The following RIOK1 variants were observed in gnomAD, a reference collection of about 807,000 sequenced individuals.
RIOK1 encodes RIO kinase 1.
A neutral mutation model predicts 73.5 loss-of-function variants in RIOK1; 66 were observed. The observed-to-expected ratio is 0.90, with a 90% CI of 0.74 to 1.10. The LOEUF (loss-of-function observed/expected upper bound fraction) is 1.10, where lower values mean the gene tolerates loss of function less well. Ranked by LOEUF, RIOK1 falls within the 50% of genes least tolerant of loss-of-function variation. The pLI is 0.00. For missense variants in RIOK1, 658 were observed against 699.8 expected, an observed-to-expected ratio of 0.94 and a Z score of 0.67; for synonymous variants, 224 against 226.8, an observed-to-expected ratio of 0.99 and a Z score of 0.11.
intron 6 of RIOK1, among the ~76,000 whole-genome samples, chr6:7,402,077 A>G (rs1362657628): frequency 6.6e-6 from 1 of 152,202 alleles, no homozygotes; most frequent in Non-Finnish European, 1.5e-5. Context: ...ATTGGATTTT[A>G]CTGTACAGTC....
At chr6:7,414,050 G>T (rs2113531256) in intron 15 of RIOK1, among the ~76,000 whole-genome samples, 188 bp from the exon 16 acceptor site, 1 of 152,232 alleles carries the variant, frequency 6.6e-6, no homozygotes, top group Non-Finnish European at 1.5e-5. Context: ...AGCCTTACTT[G>T]GAGTGGCTAC....
intron 5 of RIOK1, 144 bp downstream of exon 5, chr6:7,398,884 G>T: frequency 1.6e-6 from 1 of 635,178 alleles, no homozygotes; most frequent in Non-Finnish European, 2.6e-6. Flanking sequence ...TTATAGTTTC[G>T]AGTTTAGAGA....
Position 7,414,386 on chromosome 6 carries a change from A to G in RIOK1, c.1592A>G (p.Lys531Arg), listed in dbSNP as rs766847444. 5.6e-6 allele frequency: 9 copies of G among 1,599,376 alleles called. No homozygotes were observed. In the South Asian group the frequency reaches 9.1e-5, roughly 16 times the overall value. The change falls in exon 16 of 17, where the codon AAA (lysine) becomes AGA (arginine). Residue 531 changes from lysine (K) to arginine (R), a missense_variant. Lys to Arg is a conservative substitution (Grantham distance 26). Transcript: ENST00000379834. ...KKHTTDPDID[K>R]KERKKMVKEA... ...CACACCACGGACCCTGACATTGATAAAAAAGTAAGCAATGAAATACCTTCC... is the reference window on the plus strand; with the variant it reads ...CACACCACGGACCCTGACATTGATAGAAAAGTAAGCAATGAAATACCTTCC...
Position 7,410,373 on chromosome 6 carries a change from T to C in RIOK1, c.1204-13T>C. ...TGAATATAAAAGAAAGTCATTTTTG[T>C]TTTCTTTCCAAGGCCATGGAAATAG... On this transcript the variant is annotated splice_polypyrimidine_tract_variant and intron_variant, in intron 12 of 16. Transcript: ENST00000379834. 1 of 1,599,636 alleles carries C rather than the reference T, an allele frequency of 6.3e-7. No individual in the cohort carries two copies. The highest frequency in any genetic ancestry group is 8.6e-7 in the Non-Finnish European group (1 of 1,167,674).
chr6:7,414,463 A>G, intron 16 of RIOK1, 73 bp downstream of exon 16: 1 of 1,338,090 alleles, frequency 7.5e-7, no homozygotes, highest in Non-Finnish European at 1.0e-6. Context: ...TTGCTCAAGG[A>G]TCTAGCTAGA....
intron 1 of RIOK1, 58 bp downstream of exon 1, chr6:7,390,131 T>TG: frequency 6.9e-7 from 1 of 1,441,844 alleles, no homozygotes. Context: ...ACCGCCCCCT[T>TG]GGGGTGTGGA....
chr6:7,410,869 A>G (rs920418126), intron 13 of RIOK1, among the ~76,000 whole-genome samples: 4 of 152,200 alleles, frequency 2.6e-5, no homozygotes, highest in Non-Finnish European at 5.9e-5. Flanking sequence ...AGGCTTTTAA[A>G]AAAAATTCTC....
chr6:7,393,419 G>A (rs1581709948), intron 2 of RIOK1, 116 bp downstream of exon 2: 2 of 819,800 alleles, frequency 2.4e-6, no homozygotes, highest in East Asian at 4.9e-5. Context: ...ATGTTATATT[G>A]TCCTGTAGCC....
At chr6:7,407,959 T>G (rs552874321) in intron 12 of RIOK1, among the ~76,000 whole-genome samples, 2 of 152,358 alleles carry the variant, frequency 1.3e-5, no homozygotes, top group East Asian at 3.9e-4. Flanking sequence ...TTTGATGTGA[T>G]CCAGTTTATC....
rs368813373 is a variant in RIOK1 at position 7,404,970 on chromosome 6, G to A, written c.1045G>A (p.Asp349Asn). 2.5e-5 allele frequency: 41 copies of A among 1,614,024 alleles called. 1 individual carries two copies. The highest frequency in any genetic ancestry group is 1.1e-4 in the African/African-American group (8 of 74,946). The stretch of plus-strand genomic sequence containing the variant: ...TGACGTGTCTCAGTCCGTGGAGCAC[G>A]ACCACCCACATGCCTTGGAGTTCTT... ...IIDVSQSVEH[D>N]HPHALEFLRK... Residue 349 changes from aspartate to asparagine, a missense_variant, in exon 11 of 17, where the codon GAC becomes AAC. Physicochemically the swap from Asp to Asn is conservative, Grantham distance 23 (BLOSUM62 1). Transcript: ENST00000379834.
In RIOK1 at chr6:7,402,808, T is replaced by G. The variant is rs537747815; in HGVS notation, c.687-9T>G. ...ATGATTGAAATAATAAACATTTTTC[T>G]TATTCAAGATTTCGTCATGGCTATT... On this transcript the variant is annotated splice_polypyrimidine_tract_variant and intron_variant, in intron 7 of 16. Transcript: ENST00000379834. 86 of 1,608,916 alleles carry G rather than the reference T, an allele frequency of 5.3e-5. No homozygotes were observed. In the East Asian group the frequency reaches 1.8e-3, roughly 34 times the overall value.
chr6:7,404,339 A>C, intron 9 of RIOK1, 79 bp from the exon 10 acceptor site: 1 of 1,500,922 alleles, frequency 6.7e-7, no homozygotes, highest in Non-Finnish European at 9.1e-7. Context: ...GAGTTGTAGA[A>C]GAGAAGGGCA....
intron 4 of RIOK1, 148 bp downstream of exon 4, chr6:7,396,920 T>TGTGTGTGTG (rs57452499): frequency 1.1e-4 from 56 of 525,048 alleles, no homozygotes; most frequent in South Asian, 2.8e-4. Flanking sequence ...TGTGTGTGTG[T>TGTGTGTGTG]TTTCCTTAGC....
At chr6:7,413,979 C>T (rs2113531122) in intron 15 of RIOK1, among the ~76,000 whole-genome samples, 1 of 152,302 alleles carries the variant, frequency 6.6e-6, no homozygotes, top group South Asian at 2.1e-4. Context: ...AGGAGAACAG[C>T]TCTGTTGTTG....
chr6:7,408,151 C>T (rs892947956), intron 12 of RIOK1, among the ~76,000 whole-genome samples: 1 of 152,200 alleles, frequency 6.6e-6, no homozygotes, highest in Admixed American at 6.5e-5. Flanking sequence ...ATTCTCCCAC[C>T]TCAGCCTCCT....
In RIOK1 at chr6:7,414,247, C is replaced by T; in HGVS notation, c.1453C>T (p.Leu485Phe). 6.2e-7 allele frequency: 1 copy of T among 1,612,272 alleles called. No homozygotes were observed. The highest frequency in any genetic ancestry group is 8.5e-7 in the Non-Finnish European group (1 of 1,179,330). ...DLSGVQKVPA[L>F]LENQVEERTC... is the part of the protein sequence containing the mutation. ...CTTTAATAATTTCAAGGTCCCTGCA[C>T]TCCTAGAAAATCAAGTGGAGGAAAG... The change falls in exon 16 of 17, where the codon CTC becomes TTC. Residue 485 changes from leucine (L) to phenylalanine (F), a missense_variant. By Grantham distance (22) the Leu-to-Phe change is conservative. Coordinates refer to ENST00000379834, the MANE Select transcript of RIOK1 (RefSeq NM_031480.3).
At chr6:7,398,154 C>G (rs890758227) in intron 4 of RIOK1, among the ~76,000 whole-genome samples, 2 of 152,002 alleles carry the variant, frequency 1.3e-5, no homozygotes, top group African/African-American at 2.4e-5. Context: ...AACAAACAAA[C>G]AAAAACAAAA....
intron 12 of RIOK1, among the ~76,000 whole-genome samples, chr6:7,408,543 T>C (rs1761805350): frequency 1.3e-5 from 2 of 152,176 alleles, no homozygotes; most frequent in South Asian, 4.1e-4. Flanking sequence ...TGTCACTTAT[T>C]ATACTAAGTC....
At chr6:7,393,434 C>T (rs1761393011) in intron 2 of RIOK1, 131 bp downstream of exon 2, 4 of 699,798 alleles carry the variant, frequency 5.7e-6, no homozygotes, top group African/African-American at 3.5e-5. Flanking sequence ...GTAGCCTCAG[C>T]CTTTACTGAT....
Sources: allele counts gnomAD v4.1 joint callset (sites outside exome capture counted in the v4.1 genomes callset), GRCh38; gene constraint gnomAD v4.1.1; transcripts MANE v1.5; gene names NCBI Gene and HGNC (gene_info 2026-07-23, HGNC 2026-07-21).